The following HS6ST3 variants were observed in gnomAD, a reference collection of about 807,000 sequenced individuals.
The protein encoded by HS6ST3 is heparan sulfate 6-O-sulfotransferase 3.
A neutral mutation model predicts 36.7 loss-of-function variants in HS6ST3; 12 were observed. That is an observed-to-expected ratio of 0.33 (90% CI 0.21 to 0.53). The LOEUF (loss-of-function observed/expected upper bound fraction) is 0.53, where lower values mean the gene tolerates loss of function less well. Among genes scored for constraint, HS6ST3 ranks in the 20% least tolerant of loss-of-function variants. HS6ST3 has a pLI of 0.95. For missense variants in HS6ST3, 584 were observed against 640.9 expected (o/e 0.91, Z 0.96); for synonymous variants, 240 against 257.5 (o/e 0.93, Z 0.65).
At chr13:96,107,133 G>A (rs913420541) in intron 1 of HS6ST3, among the ~76,000 whole-genome samples, 1 of 152,200 alleles carries the variant, frequency 6.6e-6, no homozygotes, top group Admixed American at 6.5e-5. Context: ...ATATGAGGTT[G>A]GGTGATACAC....
Position 96,832,686 on chromosome 13 carries a change from A to G in HS6ST3, c.904A>G (p.Thr302Ala). The change falls in exon 2 of 2, where the codon ACC (threonine) becomes GCC (alanine). Residue 302 changes from threonine (T) to alanine (A), a missense_variant. Thr to Ala is a moderately conservative substitution (Grantham distance 58). This residue lies in a region of HS6ST3 where 360 missense variants were observed against 411.3 expected (regional missense o/e 0.88). Transcript: ENST00000376705. ...CAGCTTGCGGGAGTTTATGGATTGC[A>G]CCTACAACCTGGCTAACAATCGCCA... ...GVSLREFMDC[T>A]YNLANNRQVR... 6.2e-7 allele frequency: 1 copy of G among 1,613,942 alleles called. No individual in the cohort carries two copies. The highest frequency in any genetic ancestry group is 8.5e-7 in the Non-Finnish European group (1 of 1,179,894).
intron 1 of HS6ST3, among the ~76,000 whole-genome samples, chr13:96,454,065 C>T (rs543471142): frequency 3.9e-5 from 6 of 152,134 alleles, no homozygotes; most frequent in Admixed American, 3.9e-4. Context: ...ACCACTCCCC[C>T]ACCCCTAGCT....
chr13:96,589,539 T>C (rs758900925), intron 1 of HS6ST3, among the ~76,000 whole-genome samples: 3 of 152,100 alleles, frequency 2.0e-5, no homozygotes, highest in Non-Finnish European at 2.9e-5. Flanking sequence ...TATTTATTTC[T>C]GTTTGGGTCT....
chr13:96,534,457 C>T (rs1191270125), intron 1 of HS6ST3, among the ~76,000 whole-genome samples: 2 of 152,122 alleles, frequency 1.3e-5, no homozygotes, highest in African/African-American at 2.4e-5. Flanking sequence ...TCCCATCCAT[C>T]CCGTGTGGTT....
At chr13:96,679,395 C>G (rs1486801406) in intron 1 of HS6ST3, among the ~76,000 whole-genome samples, 2 of 151,876 alleles carry the variant, frequency 1.3e-5, no homozygotes, top group Admixed American at 6.6e-5. Context: ...TTTGCCTCAC[C>G]CCAAGAGACT....
chr13:96,704,321 T>G (rs1394011708), intron 1 of HS6ST3, among the ~76,000 whole-genome samples: 1 of 152,192 alleles, frequency 6.6e-6, no homozygotes, highest in Non-Finnish European at 1.5e-5. Flanking sequence ...TTTTTGGTTC[T>G]CCACATACAA....
intron 1 of HS6ST3, among the ~76,000 whole-genome samples, chr13:96,436,067 G>T (rs764225202): frequency 6.6e-6 from 1 of 152,118 alleles, no homozygotes; most frequent in Non-Finnish European, 1.5e-5. Context: ...CTCTTTGGGT[G>T]TCTCTTTTTC....
At chr13:96,300,474 G>A (rs2054876930) in intron 1 of HS6ST3, among the ~76,000 whole-genome samples, 1 of 152,036 alleles carries the variant, frequency 6.6e-6, no homozygotes, top group African/African-American at 2.4e-5. Context: ...CTCCAACACT[G>A]GGGATTACAA....
chr13:96,765,149 C>T (rs1877072126), intron 1 of HS6ST3, among the ~76,000 whole-genome samples: 1 of 147,628 alleles, frequency 6.8e-6, no homozygotes, highest in East Asian at 2.1e-4. Flanking sequence ...TCTCGGCTCA[C>T]TGCAAGCTCC....
intron 1 of HS6ST3, among the ~76,000 whole-genome samples, chr13:96,661,592 A>T (rs2056646596): frequency 6.6e-6 from 1 of 152,150 alleles, no homozygotes; most frequent in Non-Finnish European, 1.5e-5. Flanking sequence ...TAGTTCATTT[A>T]TCTTCACGGT....
chr13:96,579,399 A>G (rs577264739), intron 1 of HS6ST3, among the ~76,000 whole-genome samples: 3 of 152,284 alleles, frequency 2.0e-5, no homozygotes, highest in Non-Finnish European at 4.4e-5. Context: ...TCTTAGCTAT[A>G]TAACTCCTGA....
intron 1 of HS6ST3, among the ~76,000 whole-genome samples, chr13:96,126,650 G>A (rs1369397321): frequency 6.6e-6 from 1 of 152,118 alleles, no homozygotes; most frequent in African/African-American, 2.4e-5. Context: ...CGGTATTTGG[G>A]AACAGGATGT....
chr13:96,276,887 C>T (rs771153344), intron 1 of HS6ST3, among the ~76,000 whole-genome samples: 6 of 152,274 alleles, frequency 3.9e-5, no homozygotes, highest in South Asian at 4.2e-4. Flanking sequence ...GCTTTGGCCA[C>T]GCTACCAAGA....
chr13:96,460,648 A>G (rs902458523), intron 1 of HS6ST3, among the ~76,000 whole-genome samples: 1 of 152,144 alleles, frequency 6.6e-6, no homozygotes, highest in Non-Finnish European at 1.5e-5. Context: ...GTGCATTGGT[A>G]TTGATTTTTG....
chr13:96,730,835 G>A (rs542720999), intron 1 of HS6ST3, among the ~76,000 whole-genome samples: 47 of 152,214 alleles, frequency 3.1e-4, no homozygotes, highest in Admixed American at 1.2e-3. Flanking sequence ...CCAGGCTCAA[G>A]CAATCCTCCC....
intron 1 of HS6ST3, among the ~76,000 whole-genome samples, chr13:96,604,145 G>T (rs2056430710): frequency 6.6e-6 from 1 of 152,116 alleles, no homozygotes; most frequent in African/African-American, 2.4e-5. Flanking sequence ...GAAATCAAGA[G>T]AACTATAAAC....
chr13:96,588,322 A>G (rs982084239), intron 1 of HS6ST3, among the ~76,000 whole-genome samples: 6 of 152,132 alleles, frequency 3.9e-5, no homozygotes, highest in African/African-American at 1.4e-4. Context: ...TCTTTGAGTA[A>G]AAGCTTTCAA....
intron 1 of HS6ST3, among the ~76,000 whole-genome samples, chr13:96,392,228 G>C (rs1049966935): frequency 6.6e-6 from 1 of 152,072 alleles, no homozygotes; most frequent in South Asian, 2.1e-4. Flanking sequence ...ATTTCCACTG[G>C]GCTCTACTAT....
chr13:96,260,279 C>T (rs368473366), intron 1 of HS6ST3, among the ~76,000 whole-genome samples: 1 of 147,632 alleles, frequency 6.8e-6, no homozygotes, highest in African/African-American at 2.5e-5. Context: ...TTCTTCTTTC[C>T]TCCCTCCCTC....
Sources: allele counts gnomAD v4.1 joint callset (sites outside exome capture counted in the v4.1 genomes callset), GRCh38; gene constraint gnomAD v4.1.1; regional missense constraint gnomAD v4.1.1; transcripts MANE v1.5; gene names NCBI Gene and HGNC (gene_info 2026-07-23, HGNC 2026-07-21).